ADAMTS6: variants seen among roughly 807,000 people sequenced by gnomAD.
ADAMTS6 encodes the protein A disintegrin and metalloproteinase with thrombospondin motifs 6.
A neutral mutation model predicts 144.3 loss-of-function variants in ADAMTS6; 23 were observed. The observed-to-expected ratio is 0.16, with a 90% CI of 0.11 to 0.23. The LOEUF (loss-of-function observed/expected upper bound fraction) is 0.23, where lower values mean the gene tolerates loss of function less well. Among genes scored for constraint, ADAMTS6 ranks in the 10% least tolerant of loss-of-function variants. ADAMTS6 has a pLI of 1.00. For synonymous variants in ADAMTS6, 444 were observed against 457.5 expected (o/e 0.97, Z 0.38); for missense variants, 999 against 1,379.6 (o/e 0.72, Z 4.37).
chr5:65,407,073 C>T (rs1754582474), intron 7 of ADAMTS6, among the ~76,000 whole-genome samples: 1 of 152,068 alleles, frequency 6.6e-6, no homozygotes, highest in Non-Finnish European at 1.5e-5. Context: ...AGGATATTAT[C>T]CAGGAGAACC....
intron 22 of ADAMTS6, 45 bp downstream of exon 22, chr5:65,187,971 T>A (rs368579874): frequency 8.8e-6 from 14 of 1,594,590 alleles, no homozygotes; most frequent in African/African-American, 4.0e-5. Context: ...GGATAGATAG[T>A]TAGGACATTT....
intron 18 of ADAMTS6, among the ~76,000 whole-genome samples, chr5:65,221,792 AGGTCT>A (rs1395795063): frequency 1.3e-5 from 2 of 152,316 alleles, no homozygotes; most frequent in Non-Finnish European, 2.9e-5. Context: ...TGAGTGAACC[AGGTCT>A]CAGGACATGA....
rs144437109 is a variant in ADAMTS6 at position 65,307,137 on chromosome 5, G to C, written c.1224-7006C>G. Among the ~76,000 whole-genome samples, 323 of 152,220 alleles carry C rather than the reference G, an allele frequency of 2.1e-3. 2 individuals are homozygous for C. Among genetic ancestry groups the C allele is most frequent in the African/African-American group, 7.5e-3 (311 of 41,534 alleles). ...ATATTATCTTCTGAAATCGTTAATA[G>C]TTTGATTTCCACATTTAAGTATTGC... On this transcript the variant is annotated intron_variant, in intron 9 of 24. Transcript: ENST00000381055.
intron 7 of ADAMTS6, among the ~76,000 whole-genome samples, chr5:65,428,705 G>C (rs1432429061): frequency 6.6e-6 from 1 of 152,154 alleles, no homozygotes; most frequent in Non-Finnish European, 1.5e-5. Context: ...GTACCTTGCT[G>C]TCTGGCAATG....
At chr5:65,363,373 C>A (rs770056019) in intron 7 of ADAMTS6, among the ~76,000 whole-genome samples, 10 of 152,130 alleles carry the variant, frequency 6.6e-5, no homozygotes, top group Non-Finnish European at 1.3e-4. Context: ...GCTTCACACC[C>A]CTTTTGTGCT....
chr5:65,200,532 T>C (rs771984920), intron 20 of ADAMTS6, among the ~76,000 whole-genome samples: 15 of 152,206 alleles, frequency 9.9e-5, no homozygotes, highest in Non-Finnish European at 1.8e-4. Context: ...TAAAGACTTA[T>C]AGTTTATAAC....
At chr5:65,480,770 C>A (rs1024236409) in intron 1 of ADAMTS6, among the ~76,000 whole-genome samples, 1 of 152,068 alleles carries the variant, frequency 6.6e-6, no homozygotes, top group Non-Finnish European at 1.5e-5. Flanking sequence ...TCCCAAGTGG[C>A]CAAAAGTAAA....
At chr5:65,414,149 T>A (rs1056378074) in intron 7 of ADAMTS6, among the ~76,000 whole-genome samples, 5 of 152,164 alleles carry the variant, frequency 3.3e-5, no homozygotes, top group African/African-American at 9.7e-5. Flanking sequence ...CTTGCTAAGT[T>A]TTCCCCAGTT....
At chr5:65,406,236 G>A (rs1754470245) in intron 7 of ADAMTS6, among the ~76,000 whole-genome samples, 1 of 152,112 alleles carries the variant, frequency 6.6e-6, no homozygotes, top group Non-Finnish European at 1.5e-5. Context: ...GTTTTCCAAG[G>A]GAATGCTTCC....
chr5:65,239,877 A>T (rs1284129430), intron 15 of ADAMTS6, among the ~76,000 whole-genome samples: 1 of 152,224 alleles, frequency 6.6e-6, no homozygotes, highest in Admixed American at 6.5e-5. Context: ...CAACAAATAG[A>T]ACCCTCAGAC....
intron 11 of ADAMTS6, among the ~76,000 whole-genome samples, chr5:65,281,279 C>T (rs1430142609): frequency 6.6e-6 from 1 of 152,132 alleles, no homozygotes; most frequent in Non-Finnish European, 1.5e-5. Context: ...TGTATCAGAA[C>T]TGAAAAATGT....
chr5:65,196,694 A>C (rs1213107095), intron 21 of ADAMTS6, among the ~76,000 whole-genome samples: 1 of 152,106 alleles, frequency 6.6e-6, no homozygotes, highest in Non-Finnish European at 1.5e-5. Flanking sequence ...AGACACCATT[A>C]GCTGCAAGTT....
At chr5:65,462,750 C>G (rs151082934) in intron 3 of ADAMTS6, among the ~76,000 whole-genome samples, 131 of 152,274 alleles carry the variant, frequency 8.6e-4, no homozygotes, top group African/African-American at 3.1e-3. Flanking sequence ...AAAGTTCCAG[C>G]TGTATCACGT....
chr5:65,270,253 T>C lies in ADAMTS6; in HGVS notation c.1620+3087A>G, dbSNP rs540460644. Among the ~76,000 whole-genome samples, 148 of 152,328 alleles carry C rather than the reference T, an allele frequency of 9.7e-4. No homozygotes were observed. The Middle Eastern group carries it at 0.01, about 11-fold the overall frequency. ...ATAGCTCTTTGCAGGGCTGTTTTGC[T>C]CTGGGTCAAAATTCTGAGGTCTGGT... On this transcript the variant is annotated intron_variant, in intron 12 of 24. Transcript: ENST00000381055.
chr5:65,469,479 C>T (rs776642154), intron 3 of ADAMTS6, among the ~76,000 whole-genome samples: 14 of 152,164 alleles, frequency 9.2e-5, no homozygotes, highest in African/African-American at 2.4e-5. Context: ...GCCATTTTAA[C>T]ATATGAAAAG....
chr5:65,180,427 A>G (rs1469290522), intron 22 of ADAMTS6, among the ~76,000 whole-genome samples: 1 of 152,134 alleles, frequency 6.6e-6, no homozygotes, highest in Non-Finnish European at 1.5e-5. Context: ...AGCCAAATCA[A>G]TATCCTCATA....
chr5:65,375,113 G>T (rs1476262184), intron 7 of ADAMTS6, among the ~76,000 whole-genome samples: 1 of 152,148 alleles, frequency 6.6e-6, no homozygotes, highest in Non-Finnish European at 1.5e-5. Flanking sequence ...ATCAATTCAA[G>T]ATGGATTAAA....
chr5:65,258,657 T>C (rs1760902376), intron 14 of ADAMTS6, among the ~76,000 whole-genome samples: 1 of 152,176 alleles, frequency 6.6e-6, no homozygotes, highest in African/African-American at 2.4e-5. Flanking sequence ...ACCTACCATA[T>C]ACTTTGAAGG....
chr5:65,241,718 T>A (rs187638966), intron 15 of ADAMTS6, among the ~76,000 whole-genome samples: 1 of 152,174 alleles, frequency 6.6e-6, no homozygotes, highest in African/African-American at 2.4e-5. Context: ...ATTTATATTC[T>A]TATAACTTGT....
Sources: allele counts gnomAD v4.1 joint callset (sites outside exome capture counted in the v4.1 genomes callset), GRCh38; gene constraint gnomAD v4.1.1; transcripts MANE v1.5; gene names NCBI Gene and HGNC (gene_info 2026-07-23, HGNC 2026-07-21).